PAG1: variants seen among roughly 807,000 people sequenced by gnomAD.
PAG1 encodes phosphoprotein membrane anchor with glycosphingolipid microdomains 1.
A neutral mutation model predicts 31.7 loss-of-function variants in PAG1; 23 were observed. The ratio of observed to expected loss-of-function variants is 0.73; its 90% CI spans 0.52 to 1.03. The LOEUF (loss-of-function observed/expected upper bound fraction) is 1.03, where lower values mean the gene tolerates loss of function less well. Ranked by LOEUF, PAG1 falls within the 50% of genes least tolerant of loss-of-function variation. The pLI is 0.00. For missense variants in PAG1, 473 were observed against 540.7 expected, an observed-to-expected ratio of 0.87 and a Z score of 1.24; for synonymous variants, 214 against 210.3, an observed-to-expected ratio of 1.02 and a Z score of -0.15.
At position 80,971,446 on chromosome 8, in the gene PAG1, CA is replaced by C. The variant is rs1461819923; in HGVS notation, c.*5097del. Reference sequence around the variant, plus strand: ...CCAGAAAATATGAGGCATGTTAATACAACACAATTATTTAAAAGGTAACAAC... The same window carrying C: ...CCAGAAAATATGAGGCATGTTAATACACACAATTATTTAAAAGGTAACAAC... On this transcript the variant is annotated 3_prime_UTR_variant, in exon 9 of 9. Coordinates refer to ENST00000220597, the MANE Select transcript of PAG1 (RefSeq NM_018440.4). 1.3e-5 allele frequency: 2 copies of C among 152,074 alleles called. No individual in the cohort carries two copies. The highest frequency in any genetic ancestry group is 4.8e-5 in the African/African-American group (2 of 41,386). 9.4% of individuals were successfully genotyped at this position (152,074 alleles called of 1,614,324 possible).
intron 2 of PAG1, among the ~76,000 whole-genome samples, chr8:81,049,504 T>C (rs1808692471): frequency 6.6e-6 from 1 of 152,118 alleles, no homozygotes; most frequent in East Asian, 1.9e-4. Flanking sequence ...TAAATAAATA[T>C]AGGGTTTAAA....
intron 3 of PAG1, among the ~76,000 whole-genome samples, chr8:81,000,902 C>G (rs1807773304): frequency 6.6e-6 from 1 of 152,190 alleles, no homozygotes; most frequent in Non-Finnish European, 1.5e-5. Flanking sequence ...CACCATGTCC[C>G]CAAGCTTAGT....
chr8:81,017,198 G>C (rs894039627), intron 3 of PAG1, among the ~76,000 whole-genome samples: 1 of 152,222 alleles, frequency 6.6e-6, no homozygotes, highest in East Asian at 1.9e-4. Flanking sequence ...CTTTGGGCAT[G>C]TTTAAACTTA....
chr8:81,052,342 G>A (rs1330631335), intron 2 of PAG1, among the ~76,000 whole-genome samples: 2 of 152,130 alleles, frequency 1.3e-5, no homozygotes, highest in Non-Finnish European at 2.9e-5. Context: ...TGCACTCCCA[G>A]CAGAAGGCAG....
At chr8:81,033,641 T>A (rs755694609) in intron 2 of PAG1, among the ~76,000 whole-genome samples, 1 of 152,248 alleles carries the variant, frequency 6.6e-6, no homozygotes, top group South Asian at 2.1e-4. Flanking sequence ...ACAGTTTTCA[T>A]GAGGACGGTT....
In PAG1 at chr8:80,969,486, T is replaced by G. The variant is rs2130253915; in HGVS notation, c.*7058A>C. 6.6e-6 allele frequency: 1 copy of G among 152,162 alleles called. No homozygotes were observed. The allele number at this position is 152,162 out of a possible 1,614,324, so 9.4% of individuals were successfully genotyped here. A position where few individuals can be genotyped will look rare whatever the true frequency, so the allele number is the denominator to read the frequency against. ...TCTCTTTAAGCTTAAGAAAAGGAAATAGTTTGCTTTAAACTCATGGTTTCC... is the reference window on the plus strand; with the variant it reads ...TCTCTTTAAGCTTAAGAAAAGGAAAGAGTTTGCTTTAAACTCATGGTTTCC... On this transcript the variant is annotated 3_prime_UTR_variant, in exon 9 of 9. Coordinates refer to ENST00000220597, the MANE Select transcript of PAG1 (RefSeq NM_018440.4).
At chr8:81,085,984 T>TTTG in intron 1 of PAG1, among the ~76,000 whole-genome samples, 1 of 124,372 alleles carries the variant, frequency 8.0e-6, no homozygotes, top group East Asian at 2.2e-4. Context: ...TTTTTTTTTT[T>TTTG]TTTTTTTTTT....
At chr8:80,979,003 G>A (rs1807241638) in intron 8 of PAG1, among the ~76,000 whole-genome samples, 1 of 151,974 alleles carries the variant, frequency 6.6e-6, no homozygotes, top group Admixed American at 6.5e-5. Flanking sequence ...TGGGGTAATA[G>A]AACTTAAAGC....
intron 8 of PAG1, 58 bp downstream of exon 8, chr8:80,980,376 AG>A (rs1258947488): frequency 4.6e-5 from 41 of 900,950 alleles, no homozygotes; most frequent in East Asian, 9.6e-5. Context: ...CATTTATTCA[AG>A]GGGGGAAGGT....
At chr8:81,051,002 G>C (rs1429311065) in intron 2 of PAG1, among the ~76,000 whole-genome samples, 1 of 152,128 alleles carries the variant, frequency 6.6e-6, no homozygotes, top group African/African-American at 2.4e-5. Context: ...GTGACTTTAC[G>C]TTTGTCTTAC....
chr8:81,102,469 G>C (rs765655384), intron 1 of PAG1, among the ~76,000 whole-genome samples: 2 of 152,112 alleles, frequency 1.3e-5, no homozygotes, highest in Non-Finnish European at 2.9e-5. Context: ...GCTTGAAATT[G>C]AGATTTAGGG....
chr8:81,007,193 A>T (rs1313713961), intron 3 of PAG1, among the ~76,000 whole-genome samples: 2 of 152,142 alleles, frequency 1.3e-5, no homozygotes, highest in Admixed American at 1.3e-4. Context: ...TATATTAGAG[A>T]CATGTTGTGG....
chr8:80,991,476 C>T lies in PAG1; in HGVS notation c.177+3G>A. ...GACAGGCAGACGACACGCGCAGGCTCACCACGTTCATCAGGTTCTCATGGT... is the reference window on the plus strand; with the variant it reads ...GACAGGCAGACGACACGCGCAGGCTTACCACGTTCATCAGGTTCTCATGGT... On this transcript the variant is annotated splice_donor_region_variant and intron_variant, in intron 5 of 8. Transcript: ENST00000220597. 6.2e-7 allele frequency: 1 copy of T among 1,610,898 alleles called. No individual in the cohort carries two copies. The highest frequency in any genetic ancestry group is 8.5e-7 in the Non-Finnish European group (1 of 1,177,046).
intron 1 of PAG1, among the ~76,000 whole-genome samples, chr8:81,107,162 A>C (rs1300595303): frequency 2.6e-5 from 4 of 152,144 alleles, no homozygotes; most frequent in Non-Finnish European, 5.9e-5. Flanking sequence ...TATTTCACAA[A>C]GCAGACATGT....
At chr8:81,110,046 G>C (rs1231843715) in intron 1 of PAG1, among the ~76,000 whole-genome samples, 1 of 151,914 alleles carries the variant, frequency 6.6e-6, no homozygotes, top group Non-Finnish European at 1.5e-5. Context: ...TATTTTCTTA[G>C]TATTCCTAAA....
chr8:81,093,941 C>A (rs1169818163), intron 1 of PAG1, among the ~76,000 whole-genome samples: 1 of 152,140 alleles, frequency 6.6e-6, no homozygotes, highest in Non-Finnish European at 1.5e-5. Context: ...GGAGGTATAG[C>A]CCCTCCATCA....
intron 2 of PAG1, among the ~76,000 whole-genome samples, chr8:81,059,735 G>A (rs1052259855): frequency 2.0e-5 from 3 of 152,232 alleles, no homozygotes; most frequent in Admixed American, 6.5e-5. Context: ...AAAAGCCTAC[G>A]TATTTTGGGG....
chr8:81,019,612 T>A (rs1212911132), intron 3 of PAG1, among the ~76,000 whole-genome samples: 1 of 152,194 alleles, frequency 6.6e-6, no homozygotes, highest in Non-Finnish European at 1.5e-5. Flanking sequence ...AAGTCAAGAA[T>A]TGAAGTTTGG....
intron 3 of PAG1, among the ~76,000 whole-genome samples, chr8:81,025,153 CT>C (rs386413187): frequency 3.4e-3 from 498 of 144,518 alleles, no homozygotes; most frequent in African/African-American, 5.0e-3. Flanking sequence ...CGGTGGATTT[CT>C]TTTTTTTTTT....
Sources: gnomAD v4.1 joint callset for allele counts (sites outside exome capture counted in the v4.1 genomes callset) on GRCh38, gnomAD v4.1.1 for gene constraint, MANE v1.5 for transcripts, NCBI Gene and HGNC (gene_info 2026-07-23, HGNC 2026-07-21) for gene names.